SMYD3: variants seen among roughly 807,000 people sequenced by gnomAD.
The protein encoded by SMYD3 is histone-lysine N-methyltransferase SMYD3.
SMYD3 carries 36 observed loss-of-function variants against 57.7 expected under a neutral mutation model. That is an observed-to-expected ratio of 0.62 (90% confidence interval 0.48 to 0.82). SMYD3 has a LOEUF of 0.82. SMYD3 is among the 40% of genes least tolerant of loss of function. SMYD3 has a pLI of 0.00. For synonymous variants in SMYD3, 211 were observed against 195.0 expected (o/e 1.08, Z -0.68); for missense variants, 515 against 538.8 (o/e 0.96, Z 0.44).
At chr1:246,115,914 A>G (rs1486268122) in intron 5 of SMYD3, among the ~76,000 whole-genome samples, 3 of 152,078 alleles carry the variant, frequency 2.0e-5, no homozygotes, top group African/African-American at 7.2e-5. Context: ...CAAGGCGGGC[A>G]GATCACCTGA....
At chr1:246,249,531 A>ATT (rs35292473) in intron 5 of SMYD3, among the ~76,000 whole-genome samples, 12,673 of 148,264 alleles carry the variant, frequency 0.085, 726 homozygotes, top group East Asian at 0.22. Flanking sequence ...TTTTTTTTGT[A>ATT]TTTTTTTTTG....
intron 10 of SMYD3, among the ~76,000 whole-genome samples, chr1:245,838,437 A>T (rs957867211): frequency 3.9e-5 from 6 of 152,284 alleles, no homozygotes; most frequent in Middle Eastern, 3.4e-3. Context: ...TTCAGGTAAG[A>T]AATGTTCTCC....
intron 5 of SMYD3, among the ~76,000 whole-genome samples, chr1:245,981,161 G>T (rs988859673): frequency 5.3e-5 from 8 of 152,220 alleles, no homozygotes; most frequent in African/African-American, 1.9e-4. Flanking sequence ...TATAGTAGGT[G>T]CTCAATAAGT....
intron 5 of SMYD3, among the ~76,000 whole-genome samples, chr1:246,049,511 T>C (rs2060030840): frequency 6.6e-6 from 1 of 151,792 alleles, no homozygotes; most frequent in Admixed American, 6.6e-5. Flanking sequence ...TTCACCGTGT[T>C]AGCCAGGATG....
chr1:245,961,554 T>C (rs116133546), intron 5 of SMYD3, among the ~76,000 whole-genome samples: 5,761 of 135,776 alleles, frequency 0.042, 339 homozygotes, highest in African/African-American at 0.14. Flanking sequence ...ATCCTTCTCT[T>C]CTACCTGTTG....
chr1:245,814,186 T>G (rs1187936913), intron 10 of SMYD3, among the ~76,000 whole-genome samples: 1 of 152,128 alleles, frequency 6.6e-6, no homozygotes, highest in Non-Finnish European at 1.5e-5. Flanking sequence ...AATTAATTAC[T>G]GAATATGATG....
At chr1:245,788,208 T>C (rs1456007429) in intron 10 of SMYD3, among the ~76,000 whole-genome samples, 3 of 151,034 alleles carry the variant, frequency 2.0e-5, no homozygotes, top group Non-Finnish European at 2.9e-5. Context: ...GTGACCAGAT[T>C]AACACAGGGA....
chr1:246,165,155 T>C (rs80257351), intron 5 of SMYD3, among the ~76,000 whole-genome samples: 1 of 152,192 alleles, frequency 6.6e-6, no homozygotes, highest in Admixed American at 6.5e-5. Context: ...TTGAGCAACA[T>C]GGAGATTGCT....
intron 5 of SMYD3, among the ~76,000 whole-genome samples, chr1:246,068,175 GA>G (rs562292695): frequency 8.0e-4 from 121 of 151,796 alleles, no homozygotes; most frequent in Admixed American, 2.0e-3. Flanking sequence ...AGTAGGATCA[GA>G]AAGAAGTGTT....
chr1:246,497,488 A>G (rs961279434), intron 1 of SMYD3, among the ~76,000 whole-genome samples: 1 of 152,202 alleles, frequency 6.6e-6, no homozygotes, highest in African/African-American at 2.4e-5. Context: ...TTTTTACTCC[A>G]TTGTCCACCA....
chr1:246,478,325 G>A (rs2068054396), intron 1 of SMYD3, among the ~76,000 whole-genome samples: 1 of 152,182 alleles, frequency 6.6e-6, no homozygotes, highest in South Asian at 2.1e-4. Flanking sequence ...GAAAGCACTG[G>A]TCTATGCACA....
intron 5 of SMYD3, among the ~76,000 whole-genome samples, chr1:246,303,090 CAG>C (rs1558388779): frequency 6.6e-6 from 1 of 152,194 alleles, no homozygotes; most frequent in African/African-American, 2.4e-5. Flanking sequence ...GAAGAGCAGA[CAG>C]AGTCTATGCT....
chr1:245,796,872 C>G (rs1404850210), intron 10 of SMYD3, among the ~76,000 whole-genome samples: 1 of 152,154 alleles, frequency 6.6e-6, no homozygotes, highest in Non-Finnish European at 1.5e-5. Flanking sequence ...ATTTTTTTCT[C>G]TTTCTCCCAC....
intron 10 of SMYD3, among the ~76,000 whole-genome samples, chr1:245,780,307 G>C (rs182954224): frequency 1.3e-5 from 2 of 152,290 alleles, no homozygotes; most frequent in East Asian, 3.9e-4. Flanking sequence ...AAACAAAGTT[G>C]ATATCTCCGT....
At chr1:246,236,212 A>C (rs1423476327) in intron 5 of SMYD3, among the ~76,000 whole-genome samples, 1 of 152,112 alleles carries the variant, frequency 6.6e-6, no homozygotes, top group Non-Finnish European at 1.5e-5. Context: ...GTATACATTT[A>C]ATTATTTATT....
intron 8 of SMYD3, among the ~76,000 whole-genome samples, chr1:245,896,477 G>T (rs1489127750): frequency 6.6e-6 from 1 of 151,210 alleles, no homozygotes; most frequent in Non-Finnish European, 1.5e-5. Context: ...AAGCTCCAGG[G>T]CCTGAGGTCT....
At position 245,929,951 on chromosome 1, in the gene SMYD3, G is replaced by A. The variant is rs766028526; in HGVS notation, c.532-14C>T. 2 of 1,610,812 alleles carry A rather than the reference G, an allele frequency of 1.2e-6. No individual in the cohort carries two copies. Among genetic ancestry groups the A allele is most frequent in the South Asian group, 1.1e-5 (1 of 90,994 alleles). On this transcript the variant is annotated splice_polypyrimidine_tract_variant and intron_variant, in intron 5 of 11. Coordinates refer to ENST00000490107, the MANE Select transcript of SMYD3 (RefSeq NM_001167740.2). ...GTTGCAGATCACCTGTAAACACAAG[G>A]GGAACCATCAGTATTACTAGAGTCA... is the stretch of plus-strand genomic sequence containing the variant.
intron 10 of SMYD3, among the ~76,000 whole-genome samples, chr1:245,808,538 C>G (rs2048302398): frequency 6.6e-6 from 1 of 152,208 alleles, no homozygotes. Flanking sequence ...CTCTTGAGAG[C>G]TGGTGCAGGA....
At chr1:245,913,212 G>A (rs898376874) in intron 8 of SMYD3, among the ~76,000 whole-genome samples, 19 of 152,024 alleles carry the variant, frequency 1.2e-4, no homozygotes, top group African/African-American at 4.4e-4. Flanking sequence ...GTCCTTTGTA[G>A]GGACATGGAT....
Sources: gnomAD v4.1 joint callset for allele counts (sites outside exome capture counted in the v4.1 genomes callset) on GRCh38, gnomAD v4.1.1 for gene constraint, MANE v1.5 for transcripts, NCBI Gene and HGNC (gene_info 2026-07-23, HGNC 2026-07-21) for gene names.